The following PACSIN2 variants were observed in gnomAD, a reference collection of about 807,000 sequenced individuals.
PACSIN2 encodes the protein protein kinase C and casein kinase substrate in neurons protein 2.
PACSIN2 carries 25 observed loss-of-function variants against 63.8 expected under a neutral mutation model. The observed-to-expected ratio is 0.39, with a 90% CI of 0.29 to 0.55. The LOEUF (loss-of-function observed/expected upper bound fraction) is 0.55. Ranked by LOEUF, PACSIN2 falls within the 20% of genes least tolerant of loss-of-function variation. PACSIN2 has a pLI of 0.62. For missense variants in PACSIN2, 518 were observed against 646.9 expected, an observed-to-expected ratio of 0.80 and a Z score of 2.16; for synonymous variants, 255 against 256.2, an observed-to-expected ratio of 1.00 and a Z score of 0.05.
intron 10 of PACSIN2, among the ~76,000 whole-genome samples, chr22:42,875,848 A>G (rs1928574196): frequency 2.0e-5 from 3 of 151,694 alleles, no homozygotes; most frequent in Non-Finnish European, 2.9e-5. Flanking sequence ...AATTTTTTGT[A>G]TTTTTTGTAG....
At chr22:42,934,552 T>C (rs1243637205) in intron 1 of PACSIN2, among the ~76,000 whole-genome samples, 1 of 152,248 alleles carries the variant, frequency 6.6e-6, no homozygotes, top group Non-Finnish European at 1.5e-5. Context: ...GGGCTGGCCC[T>C]GATAGCCACA....
At chr22:42,889,906 G>A (rs1281923516) in intron 4 of PACSIN2, among the ~76,000 whole-genome samples, 1 of 151,502 alleles carries the variant, frequency 6.6e-6, no homozygotes, top group Non-Finnish European at 1.5e-5. Context: ...TCTTTCTATC[G>A]TCAAAGGGAC....
chr22:42,972,581 G>C (rs1164136201), intron 1 of PACSIN2, among the ~76,000 whole-genome samples: 1 of 151,984 alleles, frequency 6.6e-6, no homozygotes, highest in Non-Finnish European at 1.5e-5. Context: ...AGGAAAAAAA[G>C]ATATGATCAG....
In PACSIN2 at chr22:42,981,555, C is replaced by T. The variant is rs1171602523; in HGVS notation, c.-78+33466G>A. ...CAGCCCCCCGCCCGGCCGGCCGCCCCGTCCGGGAGGTGAGGGGCGCCTCTG... is the reference window on the plus strand; with the variant it reads ...CAGCCCCCCGCCCGGCCGGCCGCCCTGTCCGGGAGGTGAGGGGCGCCTCTG... On this transcript the variant is annotated intron_variant, in intron 1 of 10. Transcript: ENST00000263246. Among the ~76,000 whole-genome samples the T allele has an allele frequency of 6.1e-5, 7 of 114,854 alleles. No individual in the cohort carries two copies. The East Asian group carries it at 1.3e-3, about 22-fold the overall frequency. The allele number at this position is 114,854 out of a possible 152,430, so 75.3% of individuals were successfully genotyped here.
At chr22:42,874,437 A>C (rs1291163651) in intron 10 of PACSIN2, among the ~76,000 whole-genome samples, 1 of 152,212 alleles carries the variant, frequency 6.6e-6, no homozygotes, top group Non-Finnish European at 1.5e-5. Flanking sequence ...CTGTTTTATA[A>C]AACTATGGTT....
In PACSIN2 at chr22:42,989,516, GCCAGGTGTGGT is replaced by G. The variant is rs1922864467; in HGVS notation, c.-78+25494_-78+25504del. Reference sequence around the variant, plus strand: ...TCCATCCCCCTCAAAAAAAAAAAAGGCCAGGTGTGGTGGTTCACACCTGTAATCCCAGCACC... The same window carrying G: ...TCCATCCCCCTCAAAAAAAAAAAAGGGGTTCACACCTGTAATCCCAGCACC... On this transcript the variant is annotated intron_variant, in intron 1 of 10. Transcript: ENST00000263246. Among the ~76,000 whole-genome samples, 5 of 145,468 alleles carry G rather than the reference GCCAGGTGTGGT, an allele frequency of 3.4e-5. No individual in the cohort carries two copies. In the Admixed American group the frequency reaches 3.5e-4, roughly 10 times the overall value.
At chr22:42,961,795 C>A (rs944920968) in intron 1 of PACSIN2, among the ~76,000 whole-genome samples, 25 of 152,164 alleles carry the variant, frequency 1.6e-4, no homozygotes, top group Middle Eastern at 3.4e-3. Flanking sequence ...AAAAGAAATT[C>A]CTTAATGGAA....
intron 1 of PACSIN2, among the ~76,000 whole-genome samples, chr22:42,950,318 G>T (rs774502982): frequency 1.6e-5 from 1 of 63,564 alleles, no homozygotes; most frequent in East Asian, 4.4e-4. Flanking sequence ...TCCTTTGGAG[G>T]GTCCTGGAAC....
At chr22:42,904,719 C>T (rs571171282) in intron 2 of PACSIN2, among the ~76,000 whole-genome samples, 10 of 47,752 alleles carry the variant, frequency 2.1e-4, no homozygotes, top group African/African-American at 4.3e-4. Context: ...CTTCCACAGC[C>T]CCCCCATACT....
chr22:43,011,283 G>A (rs1924471530), intron 1 of PACSIN2, among the ~76,000 whole-genome samples: 1 of 152,092 alleles, frequency 6.6e-6, no homozygotes, highest in African/African-American at 2.4e-5. Flanking sequence ...AACCTAACTG[G>A]AAAAAAACTA....
At chr22:43,008,944 A>G (rs1300146110) in intron 1 of PACSIN2, among the ~76,000 whole-genome samples, 1 of 152,242 alleles carries the variant, frequency 6.6e-6, no homozygotes. Flanking sequence ...AGCCCTACAA[A>G]CTGTCCCTAT....
chr22:42,871,090 CTA>C lies in PACSIN2; in HGVS notation c.*265_*266del. ...GAGACAAAGTCAAGAACATAGAGAT[CTA>C]TGATAGGCCAACAGGCACAGTGGGC... On this transcript the variant is annotated 3_prime_UTR_variant, in exon 11 of 11. Coordinates refer to ENST00000263246, the MANE Select transcript of PACSIN2 (RefSeq NM_001184970.3). This position sits in a 1 kb window ranked among gnomAD's most constrained non-coding sequence, Gnocchi z 5.4. The C allele has an allele frequency of 2.0e-6, 1 of 511,298 alleles. No individual in the cohort carries two copies. The highest frequency in any genetic ancestry group is 3.6e-6 in the Non-Finnish European group (1 of 281,278). The allele number at this position is 511,298 out of a possible 1,614,324, so 31.7% of individuals were successfully genotyped here. A position where few individuals can be genotyped will look rare whatever the true frequency, so the allele number is the denominator to read the frequency against.
At chr22:42,911,504 A>C (rs1931456378) in intron 2 of PACSIN2, among the ~76,000 whole-genome samples, 1 of 152,176 alleles carries the variant, frequency 6.6e-6, no homozygotes, top group African/African-American at 2.4e-5. Flanking sequence ...CCACAAAAAA[A>C]CAAAAATAAT....
intron 5 of PACSIN2, among the ~76,000 whole-genome samples, chr22:42,886,443 G>GGTAGGTA (rs919202815): frequency 1.4e-5 from 2 of 138,928 alleles, no homozygotes; most frequent in African/African-American, 5.1e-5. Flanking sequence ...TAGGTAGGTA[G>GGTAGGTA]GTAGGTAGGT....
At chr22:42,910,377 G>C (rs1422835941) in intron 2 of PACSIN2, among the ~76,000 whole-genome samples, 1 of 152,222 alleles carries the variant, frequency 6.6e-6, no homozygotes, top group Admixed American at 6.5e-5. Context: ...CTAAAGGCTG[G>C]AGAGCTCACA....
At chr22:42,931,475 C>T (rs1336189684) in intron 1 of PACSIN2, among the ~76,000 whole-genome samples, 1 of 152,078 alleles carries the variant, frequency 6.6e-6, no homozygotes, top group Non-Finnish European at 1.5e-5. Flanking sequence ...AGGAGGTGTC[C>T]GAGACAGAAG....
At chr22:42,938,272 C>T (rs1322529395) in intron 1 of PACSIN2, among the ~76,000 whole-genome samples, 1 of 152,122 alleles carries the variant, frequency 6.6e-6, no homozygotes, top group East Asian at 1.9e-4. Flanking sequence ...TTCCTAAAAC[C>T]CGAGGATGAA....
chr22:42,960,284 C>A (rs1212665557), intron 1 of PACSIN2, among the ~76,000 whole-genome samples: 1 of 152,164 alleles, frequency 6.6e-6, no homozygotes, highest in African/African-American at 2.4e-5. Flanking sequence ...CAGGGACTTG[C>A]TTGCACAGGA....
At chr22:42,935,566 G>A (rs1932893342) in intron 1 of PACSIN2, among the ~76,000 whole-genome samples, 2 of 152,184 alleles carry the variant, frequency 1.3e-5, no homozygotes, top group African/African-American at 4.8e-5. Flanking sequence ...CTTCGTGAGG[G>A]ATGATTTTTC....
Sources: allele counts gnomAD v4.1 joint callset (sites outside exome capture counted in the v4.1 genomes callset), GRCh38; gene constraint gnomAD v4.1.1; non-coding constraint Gnocchi (gnomAD v3.1); transcripts MANE v1.5; gene names NCBI Gene and HGNC (gene_info 2026-07-23, HGNC 2026-07-21).